Variants in SPANXN4 observed in about 807,000 individuals in gnomAD.
SPANXN4 encodes SPANX family member N4.
In SPANXN4, 5 loss-of-function variants were observed where a neutral mutation model predicts 6.0. That is an observed-to-expected ratio of 0.83 (90% CI 0.44 to 1.75). SPANXN4 has a LOEUF of 1.75. Among genes scored for constraint, SPANXN4 ranks in the 40% most tolerant of loss-of-function variants. SPANXN4 has a pLI of 0.02. For missense variants in SPANXN4, 157 were observed against 108.6 expected, an observed-to-expected ratio of 1.45 and a Z score of -1.98; for synonymous variants, 45 against 38.0, an observed-to-expected ratio of 1.19 and a Z score of -0.68.
chrX:143,032,748 T>A (rs914317585), intron 1 of SPANXN4, among the ~76,000 whole-genome samples: 1 of 111,231 alleles, frequency 9.0e-6, no homozygotes, highest in African/African-American at 3.3e-5. Context: ...GGAATGAGTA[T>A]CTCCAGAGGG....
chrX:143,034,020 A>T lies in SPANXN4; in HGVS notation c.79-8A>T. 8.6e-7 allele frequency: 1 copy of T among 1,162,657 alleles called. No individual in the cohort carries two copies. The highest frequency in any genetic ancestry group is 1.1e-6 in the Non-Finnish European group (1 of 871,374). ...CATTCTGGCCTCTCCCTGTTTTTTT[A>T]CCAGAAGAAGAAGAATCTGCACAGA... On this transcript the variant is annotated splice_region_variant and splice_polypyrimidine_tract_variant and intron_variant, in intron 1 of 2. Coordinates refer to ENST00000370504, the Ensembl canonical transcript of SPANXN4.
downstream of SPANXN4, among the ~76,000 whole-genome samples, chrX:143,038,125 C>T (rs747438715): frequency 1.8e-5 from 2 of 111,742 alleles, no homozygotes; most frequent in South Asian, 3.7e-4. Flanking sequence ...CAGGTCTTTA[C>T]GTGATATCTG....
rs1206972526 is a variant in SPANXN4 at position 143,026,416 on chromosome X, T to A, written c.78+324T>A. Among the ~76,000 whole-genome samples the A allele has an allele frequency of 2.7e-5, 3 of 111,665 alleles. No individual in the cohort carries two copies. In the East Asian group the frequency reaches 8.5e-4, roughly 32 times the overall value. ...GATATGATAGGGATGTTTTTTTAGA[T>A]GGGCCTTTATCCACCTCATGGTCAG... On this transcript the variant is annotated intron_variant, in intron 1 of 2. Coordinates refer to ENST00000370504, the Ensembl canonical transcript of SPANXN4.
At chrX:143,026,845 A>G (rs1365906912) in intron 1 of SPANXN4, among the ~76,000 whole-genome samples, 2 of 111,315 alleles carry the variant, frequency 1.8e-5, no homozygotes, top group Admixed American at 9.5e-5. Flanking sequence ...AGATTAGGGG[A>G]CCTAAGAAAG....
In SPANXN4 at chrX:143,034,184, A is replaced by G. The variant is rs1191353060; in HGVS notation, c.235A>G (p.Ile79Val). 1.7e-6 allele frequency: 2 copies of G among 1,180,772 alleles called. No homozygotes were observed. The highest frequency in any genetic ancestry group is 6.2e-5 in the East Asian group (2 of 32,005). Residue 79 changes from isoleucine to valine, a missense_variant, in exon 2 of 3, where the codon ATC becomes GTC. By Grantham distance (29) the Ile-to-Val change is conservative. Transcript: ENST00000370504. ...GCCTACAGAGAGCTCCACTGATCCA[A>G]TCAAAGAGAAAGGAGACCTAGACAT...
chrX:143,026,494 T>C (rs1932779691), intron 1 of SPANXN4, among the ~76,000 whole-genome samples: 1 of 111,825 alleles, frequency 8.9e-6, no homozygotes, highest in Non-Finnish European at 1.9e-5. Flanking sequence ...ATGTTTCACT[T>C]TGACCAAGGT....
chrX:143,028,937 G>T (rs1232877498), intron 1 of SPANXN4, among the ~76,000 whole-genome samples: 1 of 111,932 alleles, frequency 8.9e-6, no homozygotes, highest in Non-Finnish European at 1.9e-5. Context: ...GCATGGAAAT[G>T]GTTGCGCACG....
intron 1 of SPANXN4, among the ~76,000 whole-genome samples, chrX:143,033,697 T>A (rs983281619): frequency 5.3e-5 from 6 of 112,195 alleles, no homozygotes; most frequent in South Asian, 7.4e-4. Context: ...GCAATGTTTC[T>A]TAGTTGGGCC....
At chrX:143,032,967 C>T (rs1047143057) in intron 1 of SPANXN4, among the ~76,000 whole-genome samples, 9 of 111,709 alleles carry the variant, frequency 8.1e-5, no homozygotes, top group South Asian at 3.8e-4. Context: ...GAGTGGTGAG[C>T]GTTCTGAAGG....
At chrX:143,033,223 C>T (rs1031404611) in intron 1 of SPANXN4, among the ~76,000 whole-genome samples, 2 of 110,614 alleles carry the variant, frequency 1.8e-5, no homozygotes, top group Non-Finnish European at 3.8e-5. Flanking sequence ...TAGAGGTCAG[C>T]CCAGGACTGG....
intron 1 of SPANXN4, among the ~76,000 whole-genome samples, chrX:143,029,537 G>A (rs139437524): frequency 3.0e-3 from 331 of 111,080 alleles, no homozygotes; most frequent in African/African-American, 9.0e-3. Context: ...CCATGTAGGC[G>A]TTCCCCGCAA....
At chrX:143,029,543 C>T (rs1021504272) in intron 1 of SPANXN4, among the ~76,000 whole-genome samples, 1 of 110,864 alleles carries the variant, frequency 9.0e-6, no homozygotes, top group African/African-American at 3.3e-5. Flanking sequence ...AGGCGTTCCC[C>T]GCAAAGGAGC....
Position 143,034,159 on chromosome X carries a change from G to T in SPANXN4, c.210G>T (p.Gln70His), listed in dbSNP as rs746333579. ...ATTCAAATCAACTGGAGAATAACCA[G>T]CCTACAGAGAGCTCCACTGATCCAA... The change falls in exon 2 of 3, where the codon CAG (glutamine) becomes CAT (histidine). Residue 70 changes from glutamine to histidine, a missense_variant. Coordinates refer to ENST00000370504, the Ensembl canonical transcript of SPANXN4. 52 of 1,179,979 alleles carry T rather than the reference G, an allele frequency of 4.4e-5. 1 individual carries two copies. In the South Asian group the frequency reaches 8.8e-4, roughly 20 times the overall value.
At chrX:143,038,456 T>C (rs1396984329), downstream of SPANXN4, among the ~76,000 whole-genome samples, 1 of 111,967 alleles carries the variant, frequency 8.9e-6, no homozygotes, top group Non-Finnish European at 1.9e-5. Flanking sequence ...GGCCACTTTA[T>C]GTAAAGTTTT....
chrX:143,031,266 C>T (rs1041157216), intron 1 of SPANXN4, among the ~76,000 whole-genome samples: 1 of 110,659 alleles, frequency 9.0e-6, no homozygotes. Flanking sequence ...TTGACTTTCA[C>T]GATAGAGACA....
At chrX:143,030,684 G>A (rs1468523848) in intron 1 of SPANXN4, among the ~76,000 whole-genome samples, 1 of 111,321 alleles carries the variant, frequency 9.0e-6, no homozygotes, top group Non-Finnish European at 1.9e-5. Flanking sequence ...TATGGTAGAT[G>A]GGGCAATATG....
At chrX:143,031,407 G>C (rs981522315) in intron 1 of SPANXN4, among the ~76,000 whole-genome samples, 3 of 111,394 alleles carry the variant, frequency 2.7e-5, no homozygotes, top group Admixed American at 9.5e-5. Context: ...ATGGTGGTAG[G>C]GGGGTGGGGG....
At chrX:143,031,652 CT>C (rs1487891133) in intron 1 of SPANXN4, among the ~76,000 whole-genome samples, 3 of 111,756 alleles carry the variant, frequency 2.7e-5, no homozygotes, top group Non-Finnish European at 3.8e-5. Context: ...ATTGGGAACC[CT>C]GTTGAATGGC....
At chrX:143,033,471 C>T (rs780976328) in intron 1 of SPANXN4, among the ~76,000 whole-genome samples, 46 of 111,400 alleles carry the variant, frequency 4.1e-4, no homozygotes, top group African/African-American at 9.1e-4. Context: ...GGTATATTGC[C>T]GACAGCTGCA....
Sources: allele counts gnomAD v4.1 joint callset (sites outside exome capture counted in the v4.1 genomes callset), GRCh38; gene constraint gnomAD v4.1.1; transcripts MANE v1.5; gene names NCBI Gene and HGNC (gene_info 2026-07-23, HGNC 2026-07-21).